Variants in MAP3K20 observed in about 807,000 individuals in gnomAD.
MAP3K20 encodes the protein HCCS-4.
A neutral mutation model predicts 85.7 loss-of-function variants in MAP3K20; 40 were observed. That is an observed-to-expected ratio of 0.47 (90% CI 0.36 to 0.61). The LOEUF is 0.61. MAP3K20 is among the 20% of genes least tolerant of loss of function. MAP3K20 has a pLI of 0.00. For synonymous variants in MAP3K20, 325 were observed against 327.7 expected (o/e 0.99, Z 0.09); for missense variants, 817 against 961.7 (o/e 0.85, Z 1.99).
At chr2:173,115,616 T>C (rs1688098815) in intron 2 of MAP3K20, among the ~76,000 whole-genome samples, 1 of 152,202 alleles carries the variant, frequency 6.6e-6, no homozygotes, top group African/African-American at 2.4e-5. Flanking sequence ...TCTCTTGATG[T>C]AGTACTCTCC....
At chr2:173,255,577 A>C (rs1388459797) in intron 16 of MAP3K20, among the ~76,000 whole-genome samples, 1 of 152,188 alleles carries the variant, frequency 6.6e-6, no homozygotes, top group Admixed American at 6.5e-5. Context: ...AGCACTCCAC[A>C]AATTTGAGTT....
intron 10 of MAP3K20, chr2:173,211,859 A>G (rs1683906174): frequency 6.6e-6 from 1 of 152,220 alleles, no homozygotes; most frequent in Non-Finnish European, 1.5e-5. Flanking sequence ...GGTTGCAGTG[A>G]GCTGAGATCG....
At chr2:173,176,574 A>G (rs1201472284) in intron 3 of MAP3K20, among the ~76,000 whole-genome samples, 1 of 152,190 alleles carries the variant, frequency 6.6e-6, no homozygotes, top group Non-Finnish European at 1.5e-5. Flanking sequence ...ATAAAAATCA[A>G]TCAAGGATTT....
intron 3 of MAP3K20, among the ~76,000 whole-genome samples, chr2:173,179,845 A>G (rs958722583): frequency 5.9e-5 from 9 of 152,118 alleles, no homozygotes; most frequent in Admixed American, 5.2e-4. Flanking sequence ...CAACCTAAAA[A>G]TTAAATTAAG....
At chr2:173,077,671 T>A (rs1402036680) in intron 1 of MAP3K20, among the ~76,000 whole-genome samples, 2 of 152,204 alleles carry the variant, frequency 1.3e-5, no homozygotes, top group Admixed American at 1.3e-4. Flanking sequence ...TGATAATAAT[T>A]CCAGAGTAAA....
chr2:173,125,114 C>T (rs1461258136), intron 2 of MAP3K20, among the ~76,000 whole-genome samples: 1 of 152,128 alleles, frequency 6.6e-6, no homozygotes, highest in African/African-American at 2.4e-5. Context: ...GCAGTTAATC[C>T]ACAACTTGCA....
At chr2:173,101,523 C>T (rs1013929274) in intron 2 of MAP3K20, among the ~76,000 whole-genome samples, 3 of 152,236 alleles carry the variant, frequency 2.0e-5, no homozygotes, top group South Asian at 2.1e-4. Context: ...AACCAATTAA[C>T]GTATTTCAGT....
rs1017196811 is a variant in MAP3K20 at position 173,266,946 on chromosome 2, T to C, written c.*196T>C. 2.2e-6 allele frequency: 1 copy of C among 452,882 alleles called. No individual in the cohort carries two copies. The highest frequency in any genetic ancestry group is 2.0e-5 in the African/African-American group (1 of 50,356). 28.1% of individuals were successfully genotyped at this position (452,882 alleles called of 1,614,324 possible). On this transcript the variant is annotated 3_prime_UTR_variant, in exon 20 of 20. Transcript: ENST00000375213. ...ATTATGGATATTGGTCACCCAGTGA[T>C]CATAACTAGGCTTGAAAATCACTAC...
intron 1 of MAP3K20, among the ~76,000 whole-genome samples, chr2:173,085,771 T>TTG (rs1687126261): frequency 6.6e-6 from 1 of 150,624 alleles, no homozygotes; most frequent in African/African-American, 2.4e-5. Flanking sequence ...ATTGCCTTTT[T>TTG]TGTGTAAAAG....
chr2:173,152,493 A>G (rs1297527536), intron 2 of MAP3K20, among the ~76,000 whole-genome samples: 2 of 152,208 alleles, frequency 1.3e-5, no homozygotes, highest in African/African-American at 4.8e-5. Flanking sequence ...ACACTGCTTC[A>G]GTCAACAGGC....
intron 7 of MAP3K20, among the ~76,000 whole-genome samples, chr2:173,191,912 G>A (rs1246024113): frequency 6.6e-6 from 1 of 152,218 alleles, no homozygotes; most frequent in Non-Finnish European, 1.5e-5. Flanking sequence ...GGTTATACCT[G>A]CATTATCAGA....
intron 2 of MAP3K20, among the ~76,000 whole-genome samples, chr2:173,167,161 C>T (rs1195121302): frequency 2.0e-5 from 3 of 151,982 alleles, no homozygotes; most frequent in African/African-American, 4.8e-5. Flanking sequence ...GTGATCCACC[C>T]GCCTCGGCCT....
intron 2 of MAP3K20, among the ~76,000 whole-genome samples, chr2:173,134,366 TTGTG>T (rs72052198): frequency 1.3e-5 from 1 of 79,678 alleles, no homozygotes; most frequent in Non-Finnish European, 2.4e-5. Context: ...CCTGGCTAAA[TTGTG>T]TGTGTGTGTG....
chr2:173,221,560 A>G, intron 11 of MAP3K20: 1 of 1,465,444 alleles, frequency 6.8e-7, no homozygotes, highest in Non-Finnish European at 9.1e-7. Context: ...AAAATCACAA[A>G]TGTTTGGAAA....
intron 9 of MAP3K20, among the ~76,000 whole-genome samples, chr2:173,205,834 T>TA (rs1683669126): frequency 6.6e-6 from 1 of 152,232 alleles, no homozygotes; most frequent in Non-Finnish European, 1.5e-5. Context: ...TGCATGGTTT[T>TA]TGAATGGTCT....
chr2:173,171,376 C>T (rs1364889399), intron 3 of MAP3K20, among the ~76,000 whole-genome samples: 2 of 152,194 alleles, frequency 1.3e-5, no homozygotes, highest in African/African-American at 4.8e-5. Context: ...TCCCAAGAGA[C>T]TAGAAACTCT....
chr2:173,161,812 C>T (rs776116028), intron 2 of MAP3K20, among the ~76,000 whole-genome samples: 5 of 152,126 alleles, frequency 3.3e-5, no homozygotes, highest in South Asian at 2.1e-4. Flanking sequence ...CCTGAATGAA[C>T]GCTGGTTTGT....
At chr2:173,128,568 G>A (rs1326231240) in intron 2 of MAP3K20, among the ~76,000 whole-genome samples, 1 of 152,058 alleles carries the variant, frequency 6.6e-6, no homozygotes, top group Non-Finnish European at 1.5e-5. Flanking sequence ...CTGACCTCAA[G>A]TGATCCACTC....
chr2:173,142,547 T>C (rs1245804883), intron 2 of MAP3K20, among the ~76,000 whole-genome samples: 1 of 152,118 alleles, frequency 6.6e-6, no homozygotes, highest in Non-Finnish European at 1.5e-5. Flanking sequence ...TCTTACATTT[T>C]ATGTGTAGCA....
Sources: gnomAD v4.1 joint callset for allele counts (sites outside exome capture counted in the v4.1 genomes callset) on GRCh38, gnomAD v4.1.1 for gene constraint, MANE v1.5 for transcripts, NCBI Gene and HGNC (gene_info 2026-07-23, HGNC 2026-07-21) for gene names.